The following DCC variants were observed in gnomAD, a reference collection of about 807,000 sequenced individuals.
DCC encodes DCC netrin 1 receptor.
A neutral mutation model predicts 172.5 loss-of-function variants in DCC; 58 were observed. That is an observed-to-expected ratio of 0.34 (90% CI 0.27 to 0.42). The LOEUF (loss-of-function observed/expected upper bound fraction) is 0.42. Ranked by LOEUF, DCC falls within the 10% of genes least tolerant of loss-of-function variation. DCC has a pLI of 1.00. For missense variants in DCC, 1,740 were observed against 1,791.0 expected, an observed-to-expected ratio of 0.97 and a Z score of 0.51; for synonymous variants, 709 against 644.5, an observed-to-expected ratio of 1.10 and a Z score of -1.52.
chr18:52,752,584 A>G (rs1358874444), intron 2 of DCC, among the ~76,000 whole-genome samples: 4 of 152,162 alleles, frequency 2.6e-5, no homozygotes, highest in Non-Finnish European at 5.9e-5. Context: ...AAGCTAATTA[A>G]CATATCTGTC....
chr18:52,459,821 A>G (rs559193142), intron 1 of DCC, among the ~76,000 whole-genome samples: 3 of 151,882 alleles, frequency 2.0e-5, no homozygotes, highest in Non-Finnish European at 4.4e-5. Flanking sequence ...GATGGCCTCT[A>G]GCTCCATCCA....
At chr18:53,457,491 C>A (rs2045497716) in intron 23 of DCC, among the ~76,000 whole-genome samples, 1 of 152,134 alleles carries the variant, frequency 6.6e-6, no homozygotes, top group Non-Finnish European at 1.5e-5. Flanking sequence ...TCTCTGTGTG[C>A]AGCCACACAG....
chr18:53,171,207 TC>T (rs1318947809), intron 8 of DCC, among the ~76,000 whole-genome samples: 9 of 152,062 alleles, frequency 5.9e-5, no homozygotes, highest in Non-Finnish European at 1.3e-4. Flanking sequence ...AGATGCAAAC[TC>T]CCTTTGATAT....
chr18:53,446,689 T>C (rs1402242041), intron 22 of DCC, among the ~76,000 whole-genome samples: 1 of 152,204 alleles, frequency 6.6e-6, no homozygotes, highest in Non-Finnish European at 1.5e-5. Context: ...TCATGGCCAT[T>C]CATGGATGTG....
intron 5 of DCC, among the ~76,000 whole-genome samples, chr18:53,026,290 C>A (rs542093727): frequency 6.6e-6 from 1 of 152,076 alleles, no homozygotes; most frequent in African/African-American, 2.4e-5. Context: ...TCTTTCTTTT[C>A]TAATATGTAA....
At chr18:52,453,095 G>A (rs933121015) in intron 1 of DCC, among the ~76,000 whole-genome samples, 34 of 152,318 alleles carry the variant, frequency 2.2e-4, no homozygotes, top group Admixed American at 1.4e-3. Flanking sequence ...CACAGTACAC[G>A]CACCACCTCC....
intron 12 of DCC, among the ~76,000 whole-genome samples, chr18:53,260,250 C>T (rs1034070956): frequency 9.9e-5 from 15 of 152,214 alleles, no homozygotes; most frequent in African/African-American, 3.6e-4. Context: ...TGGTGAGGAG[C>T]TGCATTCCTT....
At chr18:52,580,318 C>T (rs974843295) in intron 1 of DCC, among the ~76,000 whole-genome samples, 3 of 152,110 alleles carry the variant, frequency 2.0e-5, no homozygotes, top group Non-Finnish European at 2.9e-5. Context: ...AGTGCAGTGG[C>T]GCGATCTCGG....
rs1453197018 is a variant in DCC, at chr18:53,534,795, A to G, written c.*4142A>G. Reference sequence around the variant, plus strand: ...AGTGAGGTTATGTAAAAGACAAAATACCACACCCATATCAGCAAATGAATA... The same window carrying G: ...AGTGAGGTTATGTAAAAGACAAAATGCCACACCCATATCAGCAAATGAATA... On this transcript the variant is annotated 3_prime_UTR_variant, in exon 29 of 29. Coordinates refer to ENST00000442544, the MANE Select transcript of DCC (RefSeq NM_005215.4). The G allele has an allele frequency of 1.3e-5, 2 of 152,224 alleles. No homozygotes were observed. The highest frequency in any genetic ancestry group is 4.8e-5 in the African/African-American group (2 of 41,460). The allele number at this position is 152,224 out of a possible 1,614,324, so 9.4% of individuals were successfully genotyped here. A position where few individuals can be genotyped will look rare whatever the true frequency, so the allele number is the denominator to read the frequency against.
intron 1 of DCC, among the ~76,000 whole-genome samples, chr18:52,352,063 C>T (rs757386365): frequency 6.6e-6 from 1 of 152,156 alleles, no homozygotes; most frequent in Non-Finnish European, 1.5e-5. Flanking sequence ...ACCACTGGAC[C>T]TCAACTTTCC....
At chr18:53,133,611 C>T (rs2043692707) in intron 7 of DCC, among the ~76,000 whole-genome samples, 1 of 152,168 alleles carries the variant, frequency 6.6e-6, no homozygotes, top group South Asian at 2.1e-4. Flanking sequence ...GGGCCACTCA[C>T]ATTTCATAAA....
intron 12 of DCC, among the ~76,000 whole-genome samples, chr18:53,227,183 G>T (rs1388024861): frequency 6.6e-6 from 1 of 151,398 alleles, no homozygotes; most frequent in Non-Finnish European, 1.5e-5. Context: ...TACTGACCTC[G>T]TGATCTGCCA....
intron 21 of DCC, among the ~76,000 whole-genome samples, chr18:53,418,862 A>C (rs2145073022): frequency 6.6e-6 from 1 of 152,220 alleles, no homozygotes; most frequent in South Asian, 2.1e-4. Flanking sequence ...TTAACATAGA[A>C]CCCCTGATTT....
At chr18:52,721,607 T>G (rs1190034885) in intron 1 of DCC, among the ~76,000 whole-genome samples, 1 of 152,188 alleles carries the variant, frequency 6.6e-6, no homozygotes, top group Non-Finnish European at 1.5e-5. Flanking sequence ...TAAGGCACAG[T>G]GAGGAGGACT....
intron 5 of DCC, among the ~76,000 whole-genome samples, chr18:53,021,488 A>G (rs2041880905): frequency 6.6e-6 from 1 of 152,174 alleles, no homozygotes; most frequent in African/African-American, 2.4e-5. Flanking sequence ...GTGAAATACC[A>G]TACCTCTTCT....
intron 5 of DCC, among the ~76,000 whole-genome samples, chr18:53,023,354 A>C (rs1568251522): frequency 6.8e-6 from 1 of 148,104 alleles, no homozygotes; most frequent in Non-Finnish European, 1.5e-5. Context: ...AAACATAAAA[A>C]AAATAAAAAT....
chr18:52,865,507 T>A (rs376360314), intron 2 of DCC, among the ~76,000 whole-genome samples: 9 of 152,148 alleles, frequency 5.9e-5, no homozygotes, highest in African/African-American at 1.9e-4. Flanking sequence ...ATCAGTTGTT[T>A]CCTGACTTTT....
intron 14 of DCC, among the ~76,000 whole-genome samples, chr18:53,325,801 TG>T (rs1446016801): frequency 1.3e-5 from 2 of 152,154 alleles, no homozygotes; most frequent in Non-Finnish European, 2.9e-5. Context: ...TGCTGAATCA[TG>T]GGGAGTACAA....
intron 1 of DCC, among the ~76,000 whole-genome samples, chr18:52,345,273 AAG>A (rs1253199085): frequency 6.6e-6 from 1 of 152,212 alleles, no homozygotes; most frequent in African/African-American, 2.4e-5. Context: ...TAAGGATAAA[AAG>A]TCACTTGGTT....
Sources: gnomAD v4.1 joint callset for allele counts (sites outside exome capture counted in the v4.1 genomes callset) on GRCh38, gnomAD v4.1.1 for gene constraint, MANE v1.5 for transcripts, NCBI Gene and HGNC (gene_info 2026-07-23, HGNC 2026-07-21) for gene names.